The following COL4A3 variants were observed in gnomAD, a reference collection of about 807,000 sequenced individuals.
COL4A3 encodes collagen alpha-3(IV) chain.
COL4A3 carries 135 observed loss-of-function variants against 217.4 expected under a neutral mutation model. That is an observed-to-expected ratio of 0.62 (90% CI 0.54 to 0.72). The LOEUF is 0.72. Among genes scored for constraint, COL4A3 ranks in the 30% least tolerant of loss-of-function variants. COL4A3 has a pLI of 0.00. For missense variants in COL4A3, 1,868 were observed against 2,119.9 expected, an observed-to-expected ratio of 0.88 and a Z score of 2.33; for synonymous variants, 690 against 736.3, an observed-to-expected ratio of 0.94 and a Z score of 1.02.
At chr2:227,239,087 T>C (rs1373412851) in intron 2 of COL4A3, among the ~76,000 whole-genome samples, 1 of 152,316 alleles carries the variant, frequency 6.6e-6, no homozygotes, top group East Asian at 1.9e-4. Flanking sequence ...TTGACCCAAT[T>C]AACCAAATCA....
rs2073816618 is a variant in COL4A3, at chr2:227,313,704, G to C, written c.*1834G>C. On this transcript the variant is annotated 3_prime_UTR_variant, in exon 52 of 52. Coordinates refer to ENST00000396578, the MANE Select transcript of COL4A3 (RefSeq NM_000091.5). ...CAAGCCATTTTTACATCTAAACTAA[G>C]ATGTGCAGCATTTCACTTATTTAGA... 2 of 152,626 alleles carry C rather than the reference G, an allele frequency of 1.3e-5. No homozygotes were observed. The highest frequency in any genetic ancestry group is 4.8e-5 in the African/African-American group (2 of 41,446). 9.5% of individuals were successfully genotyped at this position (152,626 alleles called of 1,614,324 possible).
intron 43 of COL4A3, among the ~76,000 whole-genome samples, chr2:227,302,279 C>T (rs1393891463): frequency 6.6e-6 from 1 of 152,154 alleles, no homozygotes; most frequent in Non-Finnish European, 1.5e-5. Context: ...CCATCATGAT[C>T]AAGTGTAATT....
chr2:227,238,018 G>T lies in COL4A3; in HGVS notation c.138G>T (p.Gly46=). The change falls in exon 2 of 52, where the codon GGG becomes GGT. Residue 46 remains glycine, a synonymous_variant. Transcript: ENST00000396578. The part of the protein sequence containing the change: ...KGQCFCDGAK[G]EKGEKGFPGP... ...AGTGCTTCTGTGACGGGGCCAAAGG[G>T]GAGAAGGTAAAAACAAACCCTAATA... 6.2e-7 allele frequency: 1 copy of T among 1,604,482 alleles called. No homozygotes were observed. The highest frequency in any genetic ancestry group is 8.5e-7 in the Non-Finnish European group (1 of 1,171,482).
Position 227,277,508 on chromosome 2 carries a change from C to T in COL4A3, c.2080C>T (p.Pro694Ser), listed in dbSNP as rs920326958. ...TGGTCTTCCAGGGCCTGATGGTGAA[C>T]CAGGAATTCCAGGAATTGGATTTCC... ...DPGLPGPDGE[P>S]GIPGIGFPGP... Residue 694 changes from proline (P) to serine (S), a missense_variant, in exon 28 of 52, where the codon CCA becomes TCA. By Grantham distance (74) the Pro-to-Ser change is moderately conservative. Coordinates refer to ENST00000396578, the MANE Select transcript of COL4A3 (RefSeq NM_000091.5). 1 of 1,612,362 alleles carries T rather than the reference C, an allele frequency of 6.2e-7. No individual in the cohort carries two copies.
intron 1 of COL4A3, among the ~76,000 whole-genome samples, chr2:227,206,877 A>C (rs567369615): frequency 6.6e-6 from 1 of 152,328 alleles, no homozygotes; most frequent in Admixed American, 6.5e-5. Context: ...TAGATGAAGA[A>C]ATTGAAACTC....
At chr2:227,198,785 T>C (rs756848819) in intron 1 of COL4A3, among the ~76,000 whole-genome samples, 1 of 152,226 alleles carries the variant, frequency 6.6e-6, no homozygotes, top group African/African-American at 2.4e-5. Context: ...AGATATTCCA[T>C]ATTTATGAAA....
chr2:227,238,944 A>T (rs952955478), intron 2 of COL4A3, among the ~76,000 whole-genome samples: 6 of 152,212 alleles, frequency 3.9e-5, no homozygotes, highest in Non-Finnish European at 8.8e-5. Context: ...TAGGGTGTAT[A>T]AAAGTAACTG....
At chr2:227,173,275 T>C (rs2065556482) in intron 1 of COL4A3, among the ~76,000 whole-genome samples, 2 of 152,210 alleles carry the variant, frequency 1.3e-5, no homozygotes, top group Non-Finnish European at 2.9e-5. Flanking sequence ...AATAAAAACC[T>C]TTTGATACAA....
At chr2:227,283,893 A>G in intron 33 of COL4A3, 37 bp downstream of exon 33, 1 of 1,513,902 alleles carries the variant, frequency 6.6e-7, no homozygotes, top group South Asian at 1.1e-5. Context: ...AGCAGGAAGC[A>G]TAAACAATGT....
intron 1 of COL4A3, among the ~76,000 whole-genome samples, chr2:227,178,381 CA>C (rs1038476581): frequency 1.3e-5 from 2 of 150,882 alleles, no homozygotes; most frequent in Non-Finnish European, 3.0e-5. Flanking sequence ...AGATCCATAT[CA>C]AAAAAAGAAA....
rs1400784100 is a variant in COL4A3, at chr2:227,297,845, C to G, written c.3737C>G (p.Ser1246Ter). Residue 1246 changes from serine to a stop codon, truncating the protein, a stop_gained, in exon 42 of 52, where the codon TCA becomes TGA. Coordinates refer to ENST00000396578, the MANE Select transcript of COL4A3 (RefSeq NM_000091.5). LOFTEE classifies it high-confidence loss of function. ...ACAGGAAATCGTGGTCCACCAGGCT[C>G]AAGAGGAAGCCCAGGTAAAGGGTTT... ...GQTGNRGPPG[S>*]RGSPGAPGPP... The G allele has an allele frequency of 6.4e-7, 1 of 1,559,546 alleles. No homozygotes were observed. The highest frequency in any genetic ancestry group is 8.7e-7 in the Non-Finnish European group (1 of 1,151,014).
intron 30 of COL4A3, 129 bp from the exon 31 acceptor site, chr2:227,280,764 G>T: frequency 9.7e-7 from 1 of 1,026,922 alleles, no homozygotes. Context: ...CTCTAGAAAA[G>T]GCATATTAAT....
At chr2:227,240,084 T>G in intron 2 of COL4A3, 59 bp from the exon 3 acceptor site, 1 of 1,273,110 alleles carries the variant, frequency 7.9e-7, no homozygotes, top group African/African-American at 1.5e-5. Context: ...GTTATTGGTG[T>G]GTTTATTGTG....
chr2:227,255,502 T>C (rs1461063030), intron 15 of COL4A3, among the ~76,000 whole-genome samples: 1 of 152,198 alleles, frequency 6.6e-6, no homozygotes, highest in Non-Finnish European at 1.5e-5. Context: ...ATGAACATGA[T>C]TTTTAAATTT....
intron 1 of COL4A3, among the ~76,000 whole-genome samples, chr2:227,216,206 G>T (rs10182143): frequency 0.15 from 23,207 of 152,134 alleles, 1,925 homozygotes; most frequent in Admixed American, 0.19. Context: ...CTAAAAAATG[G>T]TTAAGAAGGT....
chr2:227,174,363 A>G (rs1577025057), intron 1 of COL4A3, among the ~76,000 whole-genome samples: 2 of 152,324 alleles, frequency 1.3e-5, no homozygotes, highest in East Asian at 3.9e-4. Flanking sequence ...GAGGTTTAGT[A>G]TTACATTGGC....
At chr2:227,222,064 G>A (rs1169291642) in intron 1 of COL4A3, among the ~76,000 whole-genome samples, 2 of 150,684 alleles carry the variant, frequency 1.3e-5, no homozygotes, top group African/African-American at 4.9e-5. Flanking sequence ...TGAGATGGGA[G>A]GATTGCTTGA....
intron 1 of COL4A3, among the ~76,000 whole-genome samples, chr2:227,172,163 C>G (rs575179548): frequency 2.0e-5 from 3 of 152,206 alleles, no homozygotes; most frequent in Non-Finnish European, 4.4e-5. Context: ...GAGATCTTAT[C>G]GGGAAGATGC....
At position 227,288,140 on chromosome 2, in the gene COL4A3, G is replaced by A. The variant is rs572422087; in HGVS notation, c.2882-1010G>A. ...AGACGGAGTCTCGCTCTGTCACCCCGGCTGGACTGTAAATGGTGTGATCTC... is the reference window on the plus strand; with the variant it reads ...AGACGGAGTCTCGCTCTGTCACCCCAGCTGGACTGTAAATGGTGTGATCTC... On this transcript the variant is annotated intron_variant, in intron 34 of 51. Coordinates refer to ENST00000396578, the MANE Select transcript of COL4A3 (RefSeq NM_000091.5). Among the ~76,000 whole-genome samples the A allele has an allele frequency of 2.6e-5, 4 of 152,260 alleles. No individual in the cohort carries two copies. The South Asian group carries it at 6.2e-4, about 24-fold the overall frequency.
Sources: allele counts gnomAD v4.1 joint callset (sites outside exome capture counted in the v4.1 genomes callset), GRCh38; gene constraint gnomAD v4.1.1; transcripts MANE v1.5; gene names NCBI Gene and HGNC (gene_info 2026-07-23, HGNC 2026-07-21).